The following TMEM178B variants were observed in gnomAD, a reference collection of about 807,000 sequenced individuals.
TMEM178B encodes transmembrane protein 178B.
A neutral mutation model predicts 31.0 loss-of-function variants in TMEM178B; 5 were observed. The ratio of observed to expected loss-of-function variants is 0.16; its 90% CI spans 0.08 to 0.34. TMEM178B has a LOEUF of 0.34. TMEM178B is among the 10% of genes least tolerant of loss of function. The probability of loss-of-function intolerance (pLI) is 1.00; values close to 1 mark genes in which losing one functional copy is unlikely to be tolerated. For synonymous variants in TMEM178B, 164 were observed against 164.0 expected, an observed-to-expected ratio of 1.00 and a Z score of 0.00; for missense variants, 275 against 400.3, an observed-to-expected ratio of 0.69 and a Z score of 2.67.
At chr7:141,440,024 G>T (rs1422531793) in intron 3 of TMEM178B, among the ~76,000 whole-genome samples, 1 of 152,224 alleles carries the variant, frequency 6.6e-6, no homozygotes, top group Non-Finnish European at 1.5e-5. Flanking sequence ...GACAGAATTT[G>T]GTGACAGTGG....
chr7:141,470,728 A>G lies in TMEM178B; in HGVS notation c.827A>G (p.Gln276Arg). ...TTCTGTACCTTAGCCCCTTCTGTTC[A>G]ACCTGTCCCGAGGACCAACTACCCT... ...GFFCTLAPSV[Q>R]PVPRTNYPKS... The change falls in exon 4 of 4, where the codon CAA (glutamine) becomes CGA (arginine). Residue 276 changes from glutamine (Q) to arginine (R), a missense_variant. Physicochemically the swap from Gln to Arg is conservative, Grantham distance 43. Transcript: ENST00000565468. 2.0e-6 allele frequency: 3 copies of G among 1,534,376 alleles called. No homozygotes were observed. Among genetic ancestry groups the G allele is most frequent in the Non-Finnish European group, 2.6e-6 (3 of 1,146,252 alleles).
chr7:141,267,328 CCTACCTAGAGT>C (rs1798109509), intron 2 of TMEM178B, among the ~76,000 whole-genome samples: 1 of 152,172 alleles, frequency 6.6e-6, no homozygotes, highest in Admixed American at 6.5e-5. Context: ...TTGAGTGAGT[CCTACCTAGAGT>C]ACAGCTTTTG....
chr7:141,274,832 C>G, intron 2 of TMEM178B, among the ~76,000 whole-genome samples: 1 of 152,152 alleles, frequency 6.6e-6, no homozygotes, highest in Admixed American at 6.5e-5. Flanking sequence ...TTCTAAAAAG[C>G]AGGGACCAAG....
intron 2 of TMEM178B, among the ~76,000 whole-genome samples, chr7:141,288,190 C>G (rs1798479794): frequency 8.0e-6 from 1 of 124,666 alleles, no homozygotes; most frequent in Non-Finnish European, 1.8e-5. Flanking sequence ...TTAGATGCCT[C>G]TACTCTTTTT....
intron 2 of TMEM178B, among the ~76,000 whole-genome samples, chr7:141,354,158 C>G (rs1415419839): frequency 1.3e-5 from 2 of 152,170 alleles, no homozygotes; most frequent in Non-Finnish European, 2.9e-5. Context: ...TTGGGCTCCA[C>G]AGTTTATGGT....
intron 2 of TMEM178B, among the ~76,000 whole-genome samples, chr7:141,247,715 C>G (rs1372444838): frequency 6.6e-6 from 1 of 152,272 alleles, no homozygotes; most frequent in Admixed American, 6.5e-5. Flanking sequence ...CAGGGCATAT[C>G]AGAGGTGTGA....
chr7:141,138,573 G>A (rs2129178736), intron 1 of TMEM178B, among the ~76,000 whole-genome samples: 1 of 152,058 alleles, frequency 6.6e-6, no homozygotes, highest in African/African-American at 2.4e-5. Flanking sequence ...CTCATGTTTT[G>A]GGAGGTGAAT....
chr7:141,334,016 A>C (rs1259747626), intron 2 of TMEM178B, among the ~76,000 whole-genome samples: 1 of 152,126 alleles, frequency 6.6e-6, no homozygotes, highest in Non-Finnish European at 1.5e-5. Flanking sequence ...CCCCTGCTCT[A>C]AGGGCCCAGG....
intron 2 of TMEM178B, among the ~76,000 whole-genome samples, chr7:141,432,411 TC>T (rs1390028884): frequency 6.6e-6 from 1 of 152,204 alleles, no homozygotes; most frequent in Non-Finnish European, 1.5e-5. Flanking sequence ...TGCCTTGGCC[TC>T]CCAACGTGCT....
rs550910518 is a variant in TMEM178B, at chr7:141,211,552, C to T, written c.383-1039C>T. Among the ~76,000 whole-genome samples, 57 of 152,240 alleles carry T rather than the reference C, an allele frequency of 3.7e-4. No individual in the cohort carries two copies. The South Asian group carries it at 6.7e-3, about 18-fold the overall frequency. On this transcript the variant is annotated intron_variant, in intron 1 of 3. Coordinates refer to ENST00000565468, the MANE Select transcript of TMEM178B (RefSeq NM_001195278.2). ...CAAAACCAAATTTAAAACCCCCTAA[C>T]CTTTAAAAATCACCCCTTTCCTGAT...
rs557497301 is a variant in TMEM178B at position 141,374,812 on chromosome 7, T to C, written c.497-62796T>C. On this transcript the variant is annotated intron_variant, in intron 2 of 3. Transcript: ENST00000565468. ...GAACTAAATTTGTGAAAATTTAATC[T>C]GATAGATGAGATCATTACTGGAGAC... is the stretch of plus-strand genomic sequence containing the variant. Among the ~76,000 whole-genome samples the C allele has an allele frequency of 1.2e-4, 18 of 152,380 alleles. No individual in the cohort carries two copies. In the South Asian group the frequency reaches 3.1e-3, roughly 26 times the overall value.
chr7:141,120,045 G>C (rs1184354958), intron 1 of TMEM178B, among the ~76,000 whole-genome samples: 1 of 152,206 alleles, frequency 6.6e-6, no homozygotes, highest in Non-Finnish European at 1.5e-5. Context: ...GCTTTGGGAA[G>C]GGCAATGTTT....
intron 2 of TMEM178B, among the ~76,000 whole-genome samples, chr7:141,239,593 G>A (rs1713841207): frequency 6.6e-6 from 1 of 152,174 alleles, no homozygotes; most frequent in Non-Finnish European, 1.5e-5. Flanking sequence ...ATGACTAGAA[G>A]ATCCCATGCC....
chr7:141,161,902 G>A (rs1464777484), intron 1 of TMEM178B, among the ~76,000 whole-genome samples: 4 of 151,962 alleles, frequency 2.6e-5, no homozygotes, highest in Admixed American at 1.3e-4. Flanking sequence ...AGTGTGGTCT[G>A]AGTGTGCAAG....
intron 2 of TMEM178B, among the ~76,000 whole-genome samples, chr7:141,416,677 G>A (rs1323105259): frequency 1.3e-5 from 2 of 152,168 alleles, no homozygotes; most frequent in African/African-American, 4.8e-5. Context: ...TCACATATCT[G>A]CCAATGACCT....
chr7:141,488,810 T>G, the TMEM178B span, among the ~76,000 whole-genome samples: 1 of 151,856 alleles, frequency 6.6e-6, no homozygotes, highest in African/African-American at 2.4e-5. Flanking sequence ...TGCAAAGACT[T>G]TTAAGTCATT....
At chr7:141,452,246 C>T (rs1160839313) in intron 3 of TMEM178B, among the ~76,000 whole-genome samples, 1 of 152,200 alleles carries the variant, frequency 6.6e-6, no homozygotes, top group African/African-American at 2.4e-5. Context: ...GACATCTCCA[C>T]CTTTCTGGAA....
chr7:141,332,329 C>T (rs1296324113), intron 2 of TMEM178B, among the ~76,000 whole-genome samples: 4 of 152,256 alleles, frequency 2.6e-5, no homozygotes, highest in East Asian at 1.9e-4. Flanking sequence ...AATAAGCCTC[C>T]GTCGGCTCAC....
At chr7:141,366,327 T>C (rs1800004141) in intron 2 of TMEM178B, among the ~76,000 whole-genome samples, 4 of 152,144 alleles carry the variant, frequency 2.6e-5, no homozygotes, top group Admixed American at 2.6e-4. Flanking sequence ...GGGAAATGAA[T>C]GTTTTGTTTT....
Sources: gnomAD v4.1 joint callset for allele counts (sites outside exome capture counted in the v4.1 genomes callset) on GRCh38, gnomAD v4.1.1 for gene constraint, MANE v1.5 for transcripts, NCBI Gene and HGNC (gene_info 2026-07-23, HGNC 2026-07-21) for gene names.